The following KIAA1210 variants were observed in gnomAD, a reference collection of about 807,000 sequenced individuals.
KIAA1210 encodes the protein KIAA1210.
In KIAA1210, 48 loss-of-function variants were observed where a neutral mutation model predicts 78.9. That is an observed-to-expected ratio of 0.61 (90% CI 0.48 to 0.77). KIAA1210 has a LOEUF of 0.77. Among genes scored for constraint, KIAA1210 ranks in the 30% least tolerant of loss-of-function variants. KIAA1210 has a pLI of 0.00. For missense variants in KIAA1210, 1,108 were observed against 1,100.0 expected (o/e 1.01, Z -0.10); for synonymous variants, 406 against 404.5 (o/e 1.00, Z -0.04).
chrX:119,111,696 T>A (rs1376115141), intron 3 of KIAA1210, among the ~76,000 whole-genome samples: 2 of 111,226 alleles, frequency 1.8e-5, no homozygotes, highest in East Asian at 5.6e-4. Context: ...ATGGCACATG[T>A]ATACCTATGT....
At position 119,085,458 on chromosome X, in the gene KIAA1210, G is replaced by A; in HGVS notation, c.4245C>T (p.Ala1415=). The A allele has an allele frequency of 8.3e-7, 1 of 1,211,261 alleles. No homozygotes were observed. Among genetic ancestry groups the A allele is most frequent in the Non-Finnish European group, 1.1e-6 (1 of 895,102 alleles). The change falls in exon 10 of 12, where the codon GCC becomes GCT. Residue 1415 remains alanine (A), a synonymous_variant. Transcript: ENST00000691062. ...TTTTCAGCTCTTTCACAGAAATGTG[G>A]GCCTTGAAACTCTTCTGCTTCTGCT... ...MAKQKQKSFK[A]HISVKELKTK...
chrX:119,096,658 A>G lies in KIAA1210; in HGVS notation c.682T>C (p.Ser228Pro). The G allele has an allele frequency of 8.3e-7, 1 of 1,208,546 alleles. No individual in the cohort carries two copies. The highest frequency in any genetic ancestry group is 1.1e-6 in the Non-Finnish European group (1 of 893,767). ...FSELSSGPDC[S>P]QSLTAFATLA... is the part of the protein sequence containing the mutation. ...GTGGCAAATGCAGTCAAGGACTGTG[A>G]GCAATCAGGTCCAGATGATAACTCA... The change falls in exon 7 of 12, where the codon TCA becomes CCA. Residue 228 changes from serine (S) to proline (P), a missense_variant. Around this residue, in one of 5 missense-constraint regions of KIAA1210, gnomAD observed 672 missense variants for 607.1 expected, o/e 1.11. Transcript: ENST00000691062.
upstream of KIAA1210, among the ~76,000 whole-genome samples, chrX:119,128,793 A>G (rs1928715048): frequency 9.0e-6 from 1 of 111,226 alleles, no homozygotes; most frequent in Non-Finnish European, 1.9e-5. Flanking sequence ...CTCCTGCCTC[A>G]GCCTCCCAAG....
At chrX:119,147,792 T>G (rs967394168) in intron 1 of KIAA1210, among the ~76,000 whole-genome samples, 6 of 110,203 alleles carry the variant, frequency 5.4e-5, no homozygotes, top group African/African-American at 2.0e-4. Flanking sequence ...ACGCCTGGGG[T>G]GGAAGGGGTA....
rs779691444 is a variant in KIAA1210, at chrX:119,088,026, A to T, written c.2676T>A (p.Ser892Arg). The T allele has an allele frequency of 8.3e-7, 1 of 1,210,376 alleles. No homozygotes were observed. The highest frequency in any genetic ancestry group is 1.1e-6 in the Non-Finnish European group (1 of 895,030). ...CAGGACTGCTCCATTCTGCAGAAGTACTCATTGAGTCCAGGAACTTAGGCC... is the reference window on the plus strand; with the variant it reads ...CAGGACTGCTCCATTCTGCAGAAGTTCTCATTGAGTCCAGGAACTTAGGCC... ...SERPKFLDSM[S>R]TSAEWSSPVA... is the part of the protein sequence containing the mutation. Residue 892 changes from serine (S) to arginine (R), a missense_variant, in exon 9 of 12, where the codon AGT (serine) becomes AGA (arginine). Ser to Arg is a moderately radical substitution (Grantham distance 110, BLOSUM62 -1). This residue lies in a region of KIAA1210 where 179 missense variants were observed against 174.1 expected (regional missense o/e 1.03). Coordinates refer to ENST00000691062, the MANE Select transcript of KIAA1210 (RefSeq NM_001394962.1).
intron 2 of KIAA1210, among the ~76,000 whole-genome samples, chrX:119,137,428 C>T (rs1014344821): frequency 1.8e-5 from 2 of 112,789 alleles, no homozygotes; most frequent in Non-Finnish European, 3.7e-5. Context: ...ACAAAGCCCG[C>T]GTCCTGAAAT....
In KIAA1210 at chrX:119,088,308, CTCT is replaced by C. The variant is rs1927231524; in HGVS notation, c.2391_2393del (p.Glu798del). On this transcript the variant is annotated inframe_deletion, in exon 9 of 12. Transcript: ENST00000691062. ...GAGGCAGAGGCTTCATAGAAATGCTCTCTTCAACAGCCATGCTCTTTGGAGATG... is the reference window on the plus strand; with the variant it reads ...GAGGCAGAGGCTTCATAGAAATGCTCTCAACAGCCATGCTCTTTGGAGATG... The C allele has an allele frequency of 1.7e-6, 2 of 1,211,112 alleles. No homozygotes were observed. Among genetic ancestry groups the C allele is most frequent in the Non-Finnish European group, 2.2e-6 (2 of 895,180 alleles).
intron 2 of KIAA1210, among the ~76,000 whole-genome samples, chrX:119,141,610 A>C (rs1251502097): frequency 8.9e-6 from 1 of 112,516 alleles, no homozygotes; most frequent in African/African-American, 3.2e-5. Context: ...TACTTTTAGA[A>C]GTTCAAGCAA....
chrX:119,137,426 C>T (rs1204479593), intron 2 of KIAA1210, among the ~76,000 whole-genome samples: 1 of 112,653 alleles, frequency 8.9e-6, no homozygotes, highest in East Asian at 2.8e-4. Flanking sequence ...TTACAAAGCC[C>T]GCGTCCTGAA....
chrX:119,102,346 G>A (rs966974397), intron 6 of KIAA1210, among the ~76,000 whole-genome samples: 2 of 112,242 alleles, frequency 1.8e-5, no homozygotes, highest in Non-Finnish European at 3.8e-5. Context: ...CTCCTTTGAT[G>A]TATTAGCGGA....
intron 3 of KIAA1210, among the ~76,000 whole-genome samples, chrX:119,112,476 A>T (rs1256586978): frequency 1.8e-5 from 2 of 111,873 alleles, no homozygotes; most frequent in Middle Eastern, 4.6e-3. Context: ...ATTAGAAAAT[A>T]AAAAAAGATG....
intron 6 of KIAA1210, among the ~76,000 whole-genome samples, chrX:119,104,134 G>A (rs748384244): frequency 8.9e-6 from 1 of 112,282 alleles, no homozygotes; most frequent in East Asian, 2.8e-4. Flanking sequence ...AATAAAAAAT[G>A]TTATCTAATT....
rs755509380 is a variant in KIAA1210, at chrX:119,107,567, G to GACC, written c.492+769_492+770insGGT. Among the ~76,000 whole-genome samples, 4 of 112,209 alleles carry GACC rather than the reference G, an allele frequency of 3.6e-5. No homozygotes were observed. In the South Asian group the frequency reaches 1.5e-3, roughly 42 times the overall value. On this transcript the variant is annotated intron_variant, in intron 5 of 11. Coordinates refer to ENST00000691062, the MANE Select transcript of KIAA1210 (RefSeq NM_001394962.1). ...AAATAGTCTTCTGACCCTAGGGGCT[G>GACC]CTTAACAACTTTAGGGTCAACACCA...
At chrX:119,136,984 A>G (rs1306699442) in intron 2 of KIAA1210, among the ~76,000 whole-genome samples, 1 of 111,928 alleles carries the variant, frequency 8.9e-6, no homozygotes, top group Non-Finnish European at 1.9e-5. Context: ...CCAGACAGCA[A>G]AGTCAGAACA....
chrX:119,140,826 G>C (rs1259935900), intron 2 of KIAA1210, among the ~76,000 whole-genome samples: 2 of 112,385 alleles, frequency 1.8e-5, no homozygotes, highest in Non-Finnish European at 3.8e-5. Flanking sequence ...TGTAGTCCCA[G>C]CTACTGGAGA....
intron 5 of KIAA1210, among the ~76,000 whole-genome samples, chrX:119,107,834 G>T (rs1340598335): frequency 8.9e-6 from 1 of 111,811 alleles, no homozygotes; most frequent in African/African-American, 3.3e-5. Flanking sequence ...AGCTGTTAAG[G>T]GTTGTCTCCT....
chrX:119,149,323 G>A (rs1047520847), intron 1 of KIAA1210, among the ~76,000 whole-genome samples: 12 of 111,203 alleles, frequency 1.1e-4, no homozygotes, highest in Non-Finnish European at 7.5e-5. Context: ...GTGCATCTTC[G>A]TTCAGTCAAC....
intron 1 of KIAA1210, among the ~76,000 whole-genome samples, chrX:119,126,051 A>G (rs1928636519): frequency 9.3e-6 from 1 of 107,924 alleles, no homozygotes; most frequent in Non-Finnish European, 1.9e-5. Flanking sequence ...TGAATGAACT[A>G]TTGTAAAGTG....
In KIAA1210 at chrX:119,092,796, TAAATAA is replaced by T. The variant is rs1240709497; in HGVS notation, c.955+865_955+870del. On this transcript the variant is annotated intron_variant, in intron 8 of 11. Coordinates refer to ENST00000691062, the MANE Select transcript of KIAA1210 (RefSeq NM_001394962.1). ...ATAAATAAATAAATAAATAAATAAA[TAAATAA>T]AAATAAAGCTCAAAAAGACAAAAGA... Among the ~76,000 whole-genome samples, 306 of 108,652 alleles carry T rather than the reference TAAATAA, an allele frequency of 2.8e-3. 3 individuals are homozygous for T. Among genetic ancestry groups the T allele is most frequent in the African/African-American group, 9.7e-3 (291 of 30,009 alleles). The allele number at this position is 108,652 out of a possible 115,157, so 94.4% of individuals were successfully genotyped here. A position where few individuals can be genotyped will look rare whatever the true frequency, so the allele number is the denominator to read the frequency against.
Sources: gnomAD v4.1 joint callset for allele counts (sites outside exome capture counted in the v4.1 genomes callset) on GRCh38, gnomAD v4.1.1 for gene constraint, gnomAD v4.1.1 regional missense constraint, MANE v1.5 for transcripts, NCBI Gene and HGNC (gene_info 2026-07-23, HGNC 2026-07-21) for gene names.